Variants in ARHGEF38 observed in about 807,000 individuals in gnomAD.
ARHGEF38 encodes the protein Rho guanine nucleotide exchange factor (GEF) 38.
In ARHGEF38, 79 loss-of-function variants were observed where a neutral mutation model predicts 79.9. The observed-to-expected ratio is 0.99, with a 90% confidence interval of 0.82 to 1.19. ARHGEF38 has a LOEUF of 1.19. Among genes scored for constraint, ARHGEF38 ranks in the 50% most tolerant of loss-of-function variants. The pLI, the probability that ARHGEF38 is intolerant of heterozygous loss-of-function variation, is 0.00. For missense variants in ARHGEF38, 962 were observed against 907.2 expected, an observed-to-expected ratio of 1.06 and a Z score of -0.78; for synonymous variants, 366 against 328.3, an observed-to-expected ratio of 1.11 and a Z score of -1.24.
chr4:105,578,963 G>A (rs1203229112), intron 1 of ARHGEF38, among the ~76,000 whole-genome samples: 1 of 151,922 alleles, frequency 6.6e-6, no homozygotes, highest in African/African-American at 2.4e-5. Flanking sequence ...GATACTTTCA[G>A]TTTTTCTCAT....
intron 10 of ARHGEF38, among the ~76,000 whole-genome samples, chr4:105,664,777 T>C (rs1730689391): frequency 6.6e-6 from 1 of 152,016 alleles, no homozygotes; most frequent in Non-Finnish European, 1.5e-5. Context: ...CAAAGAAATA[T>C]GGGGAGGGAG....
intron 4 of ARHGEF38, chr4:105,631,397 TG>T: frequency 1.0e-6 from 1 of 995,556 alleles, no homozygotes; most frequent in South Asian, 4.6e-5. Flanking sequence ...CGTGGCCCCA[TG>T]ACCACTGGAG....
intron 2 of ARHGEF38, among the ~76,000 whole-genome samples, chr4:105,595,032 A>G (rs986767111): frequency 2.0e-5 from 3 of 152,240 alleles, no homozygotes; most frequent in Non-Finnish European, 4.4e-5. Flanking sequence ...AGTGATTGAA[A>G]GGAATAGCTG....
chr4:105,561,494 A>AGAATAGAATAGAATG (rs1725605639), intron 1 of ARHGEF38: 1 of 80,778 alleles, frequency 1.2e-5, no homozygotes, highest in African/African-American at 4.2e-5. Flanking sequence ...AGAATAGAAT[A>AGAATAGAATAGAATG]GAATAGAATA....
chr4:105,656,465 C>T (rs992853521), intron 9 of ARHGEF38, among the ~76,000 whole-genome samples: 6 of 152,020 alleles, frequency 3.9e-5, no homozygotes, highest in East Asian at 3.8e-4. Flanking sequence ...TTTTGTTCCA[C>T]GGTAAAACAT....
chr4:105,647,557 AAGC>A (rs1194021962), intron 6 of ARHGEF38, among the ~76,000 whole-genome samples: 1 of 152,202 alleles, frequency 6.6e-6, no homozygotes, highest in Non-Finnish European at 1.5e-5. Context: ...TGATTATGGA[AAGC>A]AGATTCTCTG....
chr4:105,589,133 G>A (rs1020513380), intron 1 of ARHGEF38, 115 bp from the exon 2 acceptor site: 1 of 761,068 alleles, frequency 1.3e-6, no homozygotes, highest in Non-Finnish European at 2.1e-6. Context: ...AAAACATCAT[G>A]AGGATACCTT....
chr4:105,576,496 C>T (rs1726508766), intron 1 of ARHGEF38, among the ~76,000 whole-genome samples: 1 of 151,098 alleles, frequency 6.6e-6, no homozygotes, highest in African/African-American at 2.4e-5. Context: ...TAGCAAGCAG[C>T]ACTGCTGATT....
At position 105,552,842 on chromosome 4, in the gene ARHGEF38, T is replaced by G; in HGVS notation, c.77T>G (p.Leu26Arg). The change falls in exon 1 of 14, where the codon CTC becomes CGC. Residue 26 changes from leucine to arginine, a missense_variant. Leu to Arg is a moderately radical substitution (Grantham distance 102, BLOSUM62 -2). Transcript: ENST00000420470. ...KKNLAFLRSR[L>R]YMLERRKTDT... is the part of the protein sequence containing the mutation. ...AATCTGGCCTTCTTGAGGTCTAGACTCTATATGCTGGAGAGAAGGAAGACT... is the reference window on the plus strand; with the variant it reads ...AATCTGGCCTTCTTGAGGTCTAGACGCTATATGCTGGAGAGAAGGAAGACT... 6.2e-7 allele frequency: 1 copy of G among 1,613,800 alleles called. No individual in the cohort carries two copies. Among genetic ancestry groups the G allele is most frequent in the Non-Finnish European group, 8.5e-7 (1 of 1,179,814 alleles).
At chr4:105,610,577 G>C (rs748848116) in intron 2 of ARHGEF38, among the ~76,000 whole-genome samples, 1 of 151,936 alleles carries the variant, frequency 6.6e-6, no homozygotes, top group African/African-American at 2.4e-5. Flanking sequence ...TCATCTATCA[G>C]TTTTAAAAGT....
chr4:105,679,152 C>G lies in ARHGEF38; in HGVS notation c.*1215C>G, dbSNP rs1262713024. 1 of 618,800 alleles carries G rather than the reference C, an allele frequency of 1.6e-6. No homozygotes were observed. The highest frequency in any genetic ancestry group is 1.9e-5 in the African/African-American group (1 of 53,796). 38.3% of individuals were successfully genotyped at this position (618,800 alleles called of 1,614,324 possible). A position where few individuals can be genotyped will look rare whatever the true frequency, so the allele number is the denominator to read the frequency against. On this transcript the variant is annotated 3_prime_UTR_variant, in exon 14 of 14. Transcript: ENST00000420470. ...TTCCTGAGCAACTGCTTTGTCGACT[C>G]TCTCTACCTGACCAATTGCCAGATC...
At chr4:105,574,030 A>G (rs896857603) in intron 1 of ARHGEF38, among the ~76,000 whole-genome samples, 1 of 152,178 alleles carries the variant, frequency 6.6e-6, no homozygotes, top group African/African-American at 2.4e-5. Flanking sequence ...TTGCTACTGT[A>G]TAGAAGAAAT....
intron 3 of ARHGEF38, among the ~76,000 whole-genome samples, chr4:105,620,119 C>T (rs893368262): frequency 2.0e-5 from 3 of 152,156 alleles, no homozygotes; most frequent in Admixed American, 1.3e-4. Flanking sequence ...TCTGTACTGT[C>T]ATGCCAAGAT....
intron 13 of ARHGEF38, among the ~76,000 whole-genome samples, chr4:105,670,162 T>G (rs1349835657): frequency 2.6e-5 from 4 of 152,164 alleles, no homozygotes; most frequent in Non-Finnish European, 4.4e-5. Context: ...TGTAATTTCT[T>G]ATTGGTTTTA....
chr4:105,615,136 G>A (rs923350906), intron 3 of ARHGEF38, among the ~76,000 whole-genome samples: 2 of 152,232 alleles, frequency 1.3e-5, no homozygotes, highest in Non-Finnish European at 2.9e-5. Flanking sequence ...GAAATGAAGA[G>A]TGATCAAGCT....
At chr4:105,597,627 T>G (rs768559097) in intron 2 of ARHGEF38, among the ~76,000 whole-genome samples, 23 of 152,228 alleles carry the variant, frequency 1.5e-4, no homozygotes, top group Non-Finnish European at 2.4e-4. Flanking sequence ...GAAATTGCCC[T>G]GAACTCAGTG....
At chr4:105,569,112 C>T (rs1010677021) in intron 1 of ARHGEF38, among the ~76,000 whole-genome samples, 1 of 152,164 alleles carries the variant, frequency 6.6e-6, no homozygotes, top group Non-Finnish European at 1.5e-5. Flanking sequence ...TAATAATAAG[C>T]TGTGTACTTT....
chr4:105,595,545 G>A (rs991733226), intron 2 of ARHGEF38, among the ~76,000 whole-genome samples: 9 of 151,868 alleles, frequency 5.9e-5, no homozygotes, highest in Non-Finnish European at 1.0e-4. Flanking sequence ...TTGGCTTATT[G>A]TTTATACAAA....
intron 13 of ARHGEF38, among the ~76,000 whole-genome samples, chr4:105,676,969 CTT>C (rs1406426527): frequency 4.2e-5 from 6 of 144,372 alleles, no homozygotes; most frequent in African/African-American, 1.0e-4. Context: ...TGTGTTTTTT[CTT>C]TTTTTTTTTG....
Sources: allele counts gnomAD v4.1 joint callset (sites outside exome capture counted in the v4.1 genomes callset), GRCh38; gene constraint gnomAD v4.1.1; transcripts MANE v1.5; gene names NCBI Gene and HGNC (gene_info 2026-07-23, HGNC 2026-07-21).